FAM13A: variants seen among roughly 807,000 people sequenced by gnomAD.
FAM13A encodes protein FAM13A.
In FAM13A, 76 loss-of-function variants were observed where a neutral mutation model predicts 129.6. That is an observed-to-expected ratio of 0.59 (90% CI 0.49 to 0.71). The LOEUF is 0.71. Ranked by LOEUF, FAM13A falls within the 30% of genes least tolerant of loss-of-function variation. The probability of loss-of-function intolerance (pLI) is 0.00; values close to 1 mark genes in which losing one functional copy is unlikely to be tolerated. For synonymous variants in FAM13A, 443 were observed against 449.9 expected (o/e 0.98, Z 0.20); for missense variants, 1,108 against 1,249.3 (o/e 0.89, Z 1.70).
intron 1 of FAM13A, among the ~76,000 whole-genome samples, chr4:89,034,375 TCTCA>T (rs1769087512): frequency 6.6e-6 from 1 of 151,976 alleles, no homozygotes; most frequent in African/African-American, 2.4e-5. Flanking sequence ...CACAATGAGA[TCTCA>T]CTCACACCAG....
At chr4:88,860,487 C>T (rs1739305776) in intron 6 of FAM13A, among the ~76,000 whole-genome samples, 1 of 152,154 alleles carries the variant, frequency 6.6e-6, no homozygotes, top group African/African-American at 2.4e-5. Context: ...TATGATATAT[C>T]CACAAGTGAA....
At chr4:88,955,643 C>T (rs1157760895) in intron 4 of FAM13A, among the ~76,000 whole-genome samples, 2 of 152,056 alleles carry the variant, frequency 1.3e-5, no homozygotes, top group South Asian at 4.1e-4. Context: ...TGGCTTTGAC[C>T]AAAATGCTGA....
At position 88,748,889 on chromosome 4, in the gene FAM13A, G is replaced by A. The variant is rs557534321; in HGVS notation, c.2161+63C>T. ...CTTAGCAGTGGCACTCAGTGGGAGA[G>A]GAGGTGAGAGATTCTGCACCTGGCT... On this transcript the variant is annotated intron_variant, in intron 17 of 23. Transcript: ENST00000264344. The A allele has an allele frequency of 1.4e-4, 159 of 1,106,406 alleles. 2 individuals carry two copies. In the South Asian group the frequency reaches 1.5e-3, roughly 10 times the overall value. The allele number at this position is 1,106,406 out of a possible 1,614,324, so 68.5% of individuals were successfully genotyped here. A position where few individuals can be genotyped will look rare whatever the true frequency, so the allele number is the denominator to read the frequency against.
intron 6 of FAM13A, among the ~76,000 whole-genome samples, chr4:88,865,132 T>A (rs951215911): frequency 3.3e-5 from 5 of 152,300 alleles, no homozygotes; most frequent in African/African-American, 1.2e-4. Context: ...TGATAAAAAT[T>A]GTAGTAAATT....
intron 6 of FAM13A, among the ~76,000 whole-genome samples, chr4:88,859,239 T>C (rs1578992513): frequency 6.6e-6 from 1 of 152,184 alleles, no homozygotes; most frequent in African/African-American, 2.4e-5. Context: ...CATTATAGCA[T>C]ATTTCTATGC....
In FAM13A at chr4:88,935,571, A is replaced by G. The variant is rs1753715251; in HGVS notation, c.759+2517T>C. On this transcript the variant is annotated intron_variant, in intron 5 of 23. Transcript: ENST00000264344. ...ATATGAAAAAATGAACAGAAAGATA[A>G]CTTTTCTTTAATTACCTTCTCATTT... Among the ~76,000 whole-genome samples, 3 of 152,180 alleles carry G rather than the reference A, an allele frequency of 2.0e-5. No homozygotes were observed. In the South Asian group the frequency reaches 6.2e-4, roughly 32 times the overall value.
chr4:88,973,463 TTC>T (rs1220773805), intron 4 of FAM13A, among the ~76,000 whole-genome samples: 3 of 152,296 alleles, frequency 2.0e-5, no homozygotes, highest in Non-Finnish European at 2.9e-5. Context: ...CATTCTTCAT[TTC>T]TGTTTCAGTA....
At chr4:88,998,328 C>T (rs192537330) in intron 3 of FAM13A, among the ~76,000 whole-genome samples, 159 of 152,250 alleles carry the variant, frequency 1.0e-3, no homozygotes, top group South Asian at 2.3e-3. Flanking sequence ...GATTGATTAG[C>T]CTGTCCACAT....
intron 11 of FAM13A, among the ~76,000 whole-genome samples, chr4:88,774,965 A>G (rs1222382201): frequency 1.3e-5 from 2 of 152,210 alleles, no homozygotes; most frequent in Non-Finnish European, 2.9e-5. Context: ...GGTGAACTGC[A>G]GACAGAATCC....
chr4:88,787,759 C>T lies in FAM13A; in HGVS notation c.1265G>A (p.Arg422Lys), dbSNP rs760239036. 1 of 1,612,810 alleles carries T rather than the reference C, an allele frequency of 6.2e-7. No individual in the cohort carries two copies. The highest frequency in any genetic ancestry group is 8.5e-7 in the Non-Finnish European group (1 of 1,179,416). ...AGAATCAATGCCAACTCACTTGTCT[C>T]TCCCATGTCGAACTTCATCCTGCTC... ...SKEQDEVRHG[R>K]DKGLINKENT... The change falls in exon 10 of 24, where the codon AGA becomes AAA. Residue 422 changes from arginine to lysine, a missense_variant. By Grantham distance (26) the Arg-to-Lys change is conservative (BLOSUM62 2). Coordinates refer to ENST00000264344, the MANE Select transcript of FAM13A (RefSeq NM_014883.4).
intron 7 of FAM13A, among the ~76,000 whole-genome samples, chr4:88,819,110 T>C (rs560877418): frequency 3.9e-4 from 59 of 152,372 alleles, no homozygotes; most frequent in African/African-American, 1.3e-3. Context: ...TTTGGAATTA[T>C]GATGTGCTTC....
intron 3 of FAM13A, among the ~76,000 whole-genome samples, chr4:89,020,004 T>C (rs145315270): frequency 6.6e-6 from 1 of 152,232 alleles, no homozygotes; most frequent in Non-Finnish European, 1.5e-5. Flanking sequence ...ACTCCTTTTA[T>C]GACAGTCATT....
Position 89,029,661 on chromosome 4 carries a change from G to A in FAM13A, c.28-12C>T, listed in dbSNP as rs560052682. 34 of 1,563,612 alleles carry A rather than the reference G, an allele frequency of 2.2e-5. No individual in the cohort carries two copies. Among genetic ancestry groups the A allele is most frequent in the African/African-American group, 2.0e-4 (14 of 71,340 alleles). On this transcript the variant is annotated splice_polypyrimidine_tract_variant and intron_variant, in intron 1 of 23. Transcript: ENST00000264344. ...GCTGCTTTACTTTGCTTAAAGGAGCGTAAGAAAAAAGAGCAGTCAGTCATA... is the reference window on the plus strand; with the variant it reads ...GCTGCTTTACTTTGCTTAAAGGAGCATAAGAAAAAAGAGCAGTCAGTCATA...
chr4:88,783,705 G>A (rs1723415247), intron 10 of FAM13A, among the ~76,000 whole-genome samples: 2 of 152,072 alleles, frequency 1.3e-5, no homozygotes, highest in African/African-American at 4.8e-5. Context: ...TTGGAGACAG[G>A]GCCTTTAAGG....
At chr4:88,998,534 T>A (rs753582763) in intron 3 of FAM13A, among the ~76,000 whole-genome samples, 1 of 152,306 alleles carries the variant, frequency 6.6e-6, no homozygotes, top group East Asian at 1.9e-4. Context: ...AACAAATCTG[T>A]TGTGTAGTGG....
At chr4:88,740,617 C>CA (rs1379692771) in intron 19 of FAM13A, among the ~76,000 whole-genome samples, 1 of 152,162 alleles carries the variant, frequency 6.6e-6, no homozygotes, top group African/African-American at 2.4e-5. Flanking sequence ...GTAAGGAAGG[C>CA]AAGTAGCGTT....
At chr4:88,749,099 G>T in intron 16 of FAM13A, 66 bp from the exon 17 acceptor site, 3 of 1,196,488 alleles carry the variant, frequency 2.5e-6, no homozygotes, top group Non-Finnish European at 3.7e-6. Flanking sequence ...AGTGTTTGAT[G>T]ATCATTTTTG....
intron 1 of FAM13A, among the ~76,000 whole-genome samples, chr4:89,047,376 A>G (rs984371650): frequency 1.3e-5 from 2 of 152,144 alleles, no homozygotes; most frequent in African/African-American, 4.8e-5. Flanking sequence ...CAACAAGAAA[A>G]TTAAAGGTTA....
In FAM13A at chr4:88,750,456, A is replaced by T. The variant is rs1348329911; in HGVS notation, c.1908T>A (p.Pro636=). 1 of 1,614,144 alleles carries T rather than the reference A, an allele frequency of 6.2e-7. No individual in the cohort carries two copies. Among genetic ancestry groups the T allele is most frequent in the African/African-American group, 1.3e-5 (1 of 75,058 alleles). Reference sequence around the variant, plus strand: ...AAGAATGGGAGTTTGGTGGGGAAGGAGGCACTTCTGTGTCATCCAGGTATT... The same window carrying T: ...AAGAATGGGAGTTTGGTGGGGAAGGTGGCACTTCTGTGTCATCCAGGTATT... ...SRQYLDDTEV[P]PSPPNSHSFM... The change falls in exon 15 of 24, where the codon CCT becomes CCA. Residue 636 remains proline (P), a synonymous_variant. Coordinates refer to ENST00000264344, the MANE Select transcript of FAM13A (RefSeq NM_014883.4).
Sources: allele counts gnomAD v4.1 joint callset (sites outside exome capture counted in the v4.1 genomes callset), GRCh38; gene constraint gnomAD v4.1.1; transcripts MANE v1.5; gene names NCBI Gene and HGNC (gene_info 2026-07-23, HGNC 2026-07-21).